NLRP8: variants seen among roughly 807,000 people sequenced by gnomAD.
NLRP8 encodes NACHT, LRR and PYD domains-containing protein 8.
In NLRP8, 86 loss-of-function variants were observed where a neutral mutation model predicts 88.7. That is an observed-to-expected ratio of 0.97 (90% CI 0.81 to 1.16). The LOEUF is 1.16. Ranked by LOEUF, NLRP8 falls within the 50% of genes most tolerant of loss-of-function variation. The pLI is 0.00. For missense variants in NLRP8, 1,342 were observed against 1,286.5 expected, an observed-to-expected ratio of 1.04 and a Z score of -0.66; for synonymous variants, 504 against 494.6, an observed-to-expected ratio of 1.02 and a Z score of -0.25.
chr19:55,976,050 C>T (rs1313761812), intron 7 of NLRP8, 83 bp from the exon 8 acceptor site: 2 of 1,302,612 alleles, frequency 1.5e-6, no homozygotes, highest in East Asian at 2.6e-5. Flanking sequence ...GAAGTAAAAC[C>T]TAAGGGTGTT....
rs1473285551 is a variant in NLRP8 at position 55,955,346 on chromosome 19, T to C, written c.1288T>C (p.Tyr430His). 6.2e-7 allele frequency: 1 copy of C among 1,614,192 alleles called. No individual in the cohort carries two copies. The highest frequency in any genetic ancestry group is 8.5e-7 in the Non-Finnish European group (1 of 1,180,028). The change falls in exon 3 of 10, where the codon TAT (tyrosine) becomes CAT (histidine). Residue 430 changes from tyrosine (Y) to histidine (H), a missense_variant. Transcript: ENST00000291971. ...AAATGCCACCTCTGTGTTCGTCCGG[T>C]ATATTTCTAGCTTGTTTCCCACCAG... is the stretch of plus-strand genomic sequence containing the variant.
Position 55,966,105 on chromosome 19 carries a change from G to A in NLRP8, c.2214-108G>A, listed in dbSNP as rs138067639. The stretch of plus-strand genomic sequence containing the variant: ...TCAGTTGTAAACCCCCTGAGAGTGG[G>A]ACTGCACCTGTCCCACGTGCAGCTT... On this transcript the variant is annotated intron_variant, in intron 4 of 9. Coordinates refer to ENST00000291971, the MANE Select transcript of NLRP8 (RefSeq NM_176811.2). 268 of 911,538 alleles carry A rather than the reference G, an allele frequency of 2.9e-4. No individual in the cohort carries two copies. In the African/African-American group the frequency reaches 4.1e-3, roughly 14 times the overall value. 56.5% of individuals were successfully genotyped at this position (911,538 alleles called of 1,614,324 possible).
At chr19:55,979,957 T>A (rs150785288) in intron 9 of NLRP8, among the ~76,000 whole-genome samples, 120 of 152,296 alleles carry the variant, frequency 7.9e-4, no homozygotes, top group Middle Eastern at 3.4e-3. Flanking sequence ...GGAATGCTAT[T>A]GTTTCAGGTG....
chr19:55,975,742 G>A (rs945533080), intron 7 of NLRP8, among the ~76,000 whole-genome samples: 6 of 147,754 alleles, frequency 4.1e-5, no homozygotes, highest in Admixed American at 2.0e-4. Flanking sequence ...TCCAGAAAAA[G>A]AAAGCAAATT....
At chr19:55,969,937 G>A (rs780170077) in intron 5 of NLRP8, among the ~76,000 whole-genome samples, 17 of 152,206 alleles carry the variant, frequency 1.1e-4, no homozygotes, top group East Asian at 1.9e-4. Context: ...GACAGTGGCT[G>A]TGAGACTCAG....
chr19:55,972,778 G>A (rs946333485), intron 6 of NLRP8, among the ~76,000 whole-genome samples: 2 of 150,032 alleles, frequency 1.3e-5, no homozygotes, highest in African/African-American at 4.9e-5. Flanking sequence ...TTATGGCTGA[G>A]TAGTATTCCA....
Position 55,948,862 on chromosome 19 carries a change from C to A in NLRP8, c.367+593C>A, listed in dbSNP as rs142711577. On this transcript the variant is annotated intron_variant, in intron 1 of 9. Transcript: ENST00000291971. ...CATATGCTATGGAAACAGCAGAAGACAGCTGGTATAGCTATGGTGATGTCA... is the reference window on the plus strand; with the variant it reads ...CATATGCTATGGAAACAGCAGAAGAAAGCTGGTATAGCTATGGTGATGTCA... 2.4e-3 allele frequency among the ~76,000 whole-genome samples: 370 copies of A among 152,328 alleles called. 1 individual carries two copies. Among genetic ancestry groups the A allele is most frequent in the African/African-American group, 8.5e-3 (353 of 41,576 alleles).
At chr19:55,961,912 T>C (rs1197281515) in intron 3 of NLRP8, among the ~76,000 whole-genome samples, 155 bp from the exon 4 acceptor site, 1 of 152,216 alleles carries the variant, frequency 6.6e-6, no homozygotes, top group Non-Finnish European at 1.5e-5. Context: ...AACCTCGTGA[T>C]GGTTTTTCTG....
chr19:55,959,683 A>G (rs1979529315), intron 3 of NLRP8, among the ~76,000 whole-genome samples: 1 of 152,190 alleles, frequency 6.6e-6, no homozygotes, highest in Non-Finnish European at 1.5e-5. Flanking sequence ...TGAACTGGGA[A>G]ACAAGAGAGT....
In NLRP8 at chr19:55,962,237, T is replaced by C. The variant is rs752737877; in HGVS notation, c.2213T>C (p.Leu738Pro). ...CCTCAGTGCAAACTGCAAAAGCTAC[T>C]GTGAGTATAACACAAATCCCACTGG... The change falls in exon 4 of 10, where the codon CTC (leucine) becomes CCC (proline). Residue 738 changes from leucine (L) to proline (P), a missense_variant and splice_region_variant. Transcript: ENST00000291971. 21 of 1,612,456 alleles carry C rather than the reference T, an allele frequency of 1.3e-5. No individual in the cohort carries two copies. The Admixed American group carries it at 3.5e-4, about 27-fold the overall frequency.
intron 8 of NLRP8, among the ~76,000 whole-genome samples, chr19:55,976,853 G>C (rs1042263913): frequency 6.6e-6 from 1 of 150,668 alleles, no homozygotes; most frequent in Non-Finnish European, 1.5e-5. Context: ...GCTGAGGTGG[G>C]GCGGATCATG....
intron 3 of NLRP8, among the ~76,000 whole-genome samples, chr19:55,956,797 A>G (rs1979376398): frequency 6.6e-6 from 1 of 150,904 alleles, no homozygotes; most frequent in Non-Finnish European, 1.5e-5. Context: ...TTCATCTATC[A>G]CTCCTACTTC....
chr19:55,963,584 C>G (rs746419078), intron 4 of NLRP8, among the ~76,000 whole-genome samples: 7 of 151,398 alleles, frequency 4.6e-5, no homozygotes, highest in Non-Finnish European at 1.0e-4. Context: ...GGGTCTTGCT[C>G]TCTTGCCCAG....
intron 5 of NLRP8, among the ~76,000 whole-genome samples, chr19:55,968,476 C>T (rs1979939186): frequency 6.6e-6 from 1 of 151,112 alleles, no homozygotes. Flanking sequence ...CACGGTGGCT[C>T]ACGCCTGTAA....
At chr19:55,958,764 T>A (rs1311566495) in intron 3 of NLRP8, among the ~76,000 whole-genome samples, 2 of 152,234 alleles carry the variant, frequency 1.3e-5, no homozygotes, top group Non-Finnish European at 2.9e-5. Context: ...TTACCCAGCC[T>A]GGTCTTGATC....
intron 2 of NLRP8, among the ~76,000 whole-genome samples, chr19:55,954,236 A>G (rs1004387850): frequency 2.0e-5 from 3 of 152,192 alleles, no homozygotes; most frequent in African/African-American, 7.2e-5. Context: ...CTATGGCGCC[A>G]CTGAACCTAA....
chr19:55,969,930 A>G (rs982215448), intron 5 of NLRP8, among the ~76,000 whole-genome samples: 14 of 152,208 alleles, frequency 9.2e-5, no homozygotes, highest in Non-Finnish European at 1.5e-5. Flanking sequence ...CCGAGAAGAC[A>G]GTGGCTGTGA....
At chr19:55,959,648 T>G (rs1979527878) in intron 3 of NLRP8, among the ~76,000 whole-genome samples, 1 of 152,210 alleles carries the variant, frequency 6.6e-6, no homozygotes, top group Non-Finnish European at 1.5e-5. Flanking sequence ...CTGCTTATTC[T>G]CACAGCCCAA....
chr19:55,970,439 G>A (rs1980023093), intron 5 of NLRP8, 105 bp from the exon 6 acceptor site: 2 of 1,309,576 alleles, frequency 1.5e-6, no homozygotes, highest in Admixed American at 2.2e-5. Context: ...AATCCCCCGA[G>A]TCTCTGCTGT....
Sources: gnomAD v4.1 joint callset for allele counts (sites outside exome capture counted in the v4.1 genomes callset) on GRCh38, gnomAD v4.1.1 for gene constraint, MANE v1.5 for transcripts, NCBI Gene and HGNC (gene_info 2026-07-23, HGNC 2026-07-21) for gene names.